Variants in TTLL7 observed in about 807,000 individuals in gnomAD.
The protein encoded by TTLL7 is tubulin tyrosine ligase like 7, also known as tubulin polyglutamylase TTLL7.
TTLL7 carries 53 observed loss-of-function variants against 120.2 expected under a neutral mutation model. That is an observed-to-expected ratio of 0.44 (90% CI 0.35 to 0.55). The LOEUF (loss-of-function observed/expected upper bound fraction) is 0.55. Ranked by LOEUF, TTLL7 falls within the 20% of genes least tolerant of loss-of-function variation. The probability of loss-of-function intolerance (pLI) is 0.00; values close to 1 mark genes in which losing one functional copy is unlikely to be tolerated. For synonymous variants in TTLL7, 353 were observed against 351.7 expected (o/e 1.00, Z -0.04); for missense variants, 803 against 1,054.7 (o/e 0.76, Z 3.31).
intron 1 of TTLL7, among the ~76,000 whole-genome samples, chr1:83,987,816 AATAT>A: frequency 1.3e-5 from 2 of 152,240 alleles, no homozygotes; most frequent in Non-Finnish European, 2.9e-5. Flanking sequence ...TGATACCTAG[AATAT>A]ATAAAGAACT....
intron 13 of TTLL7, among the ~76,000 whole-genome samples, chr1:83,918,472 C>T (rs1658372142): frequency 6.6e-6 from 1 of 152,130 alleles, no homozygotes. Flanking sequence ...AACTAGAAAT[C>T]TCACTGTGCA....
chr1:83,943,573 C>T (rs1648188442), intron 6 of TTLL7, among the ~76,000 whole-genome samples: 1 of 152,172 alleles, frequency 6.6e-6, no homozygotes, highest in Non-Finnish European at 1.5e-5. Flanking sequence ...TATTAGCTGA[C>T]CACTGAGCTA....
chr1:83,973,866 G>A (rs1020524040), intron 1 of TTLL7, among the ~76,000 whole-genome samples: 2 of 151,920 alleles, frequency 1.3e-5, no homozygotes, highest in African/African-American at 4.8e-5. Context: ...GTTACCTCTG[G>A]GCAGGATGAG....
chr1:83,950,709 A>G (rs549456771), intron 3 of TTLL7, among the ~76,000 whole-genome samples: 5 of 152,280 alleles, frequency 3.3e-5, no homozygotes, highest in East Asian at 3.9e-4. Context: ...TTGGCTTCCA[A>G]CAGAATCCTG....
intron 9 of TTLL7, among the ~76,000 whole-genome samples, chr1:83,929,535 T>G (rs1659417600): frequency 6.6e-6 from 1 of 152,156 alleles, no homozygotes; most frequent in African/African-American, 2.4e-5. Context: ...CAATTTAGGT[T>G]TTTTAAGTTT....
At chr1:83,892,280 A>G (rs1028603490) in intron 18 of TTLL7, among the ~76,000 whole-genome samples, 2 of 78,458 alleles carry the variant, frequency 2.5e-5, no homozygotes, top group African/African-American at 6.9e-5. Context: ...ATATATATGA[A>G]TATATATGTA....
chr1:83,932,829 C>A (rs1199470721), intron 9 of TTLL7, among the ~76,000 whole-genome samples: 1 of 151,984 alleles, frequency 6.6e-6, no homozygotes, highest in Non-Finnish European at 1.5e-5. Context: ...TAAGCGGCCA[C>A]GAGAAGGTGT....
In TTLL7 at chr1:83,919,696, T is replaced by C. The variant is rs746668127; in HGVS notation, c.1500+3A>G. 6.8e-6 allele frequency: 11 copies of C among 1,608,912 alleles called. No individual in the cohort carries two copies. The highest frequency in any genetic ancestry group is 2.2e-5 in the East Asian group (1 of 44,734). ...TTCTCTATATAAACATTCATTCTCT[T>C]ACCTTCATCCTTTTCAAAGGATTAT... On this transcript the variant is annotated splice_donor_region_variant and intron_variant, in intron 13 of 20. Coordinates refer to ENST00000260505, the MANE Select transcript of TTLL7 (RefSeq NM_024686.6).
intron 20 of TTLL7, among the ~76,000 whole-genome samples, chr1:83,881,217 CA>C (rs1183385103): frequency 6.6e-6 from 1 of 151,526 alleles, no homozygotes; most frequent in Non-Finnish European, 1.5e-5. Flanking sequence ...AAAGCAATGG[CA>C]AAAAAAGCCA....
chr1:83,924,654 T>C (rs1340397584), intron 10 of TTLL7, among the ~76,000 whole-genome samples: 2 of 152,184 alleles, frequency 1.3e-5, no homozygotes, highest in African/African-American at 2.4e-5. Context: ...GTGGTGATAG[T>C]TGCACAACAA....
At position 83,935,524 on chromosome 1, in the gene TTLL7, A is replaced by G. The variant is rs190301331; in HGVS notation, c.889-1758T>C. 3.0e-5 allele frequency among the ~76,000 whole-genome samples: 4 copies of G among 133,628 alleles called. No individual in the cohort carries two copies. In the East Asian group the frequency reaches 6.1e-4, roughly 20 times the overall value. The allele number at this position is 133,628 out of a possible 152,430, so 87.7% of individuals were successfully genotyped here. ...AGATTTATACCTTAGGTATACAAAA[A>G]GCAGTAAGGATAGTTTTTTTTTTAA... On this transcript the variant is annotated intron_variant, in intron 8 of 20. Coordinates refer to ENST00000260505, the MANE Select transcript of TTLL7 (RefSeq NM_024686.6).
intron 1 of TTLL7, among the ~76,000 whole-genome samples, chr1:83,994,344 T>C (rs1351136874): frequency 6.6e-6 from 1 of 152,152 alleles, no homozygotes; most frequent in Non-Finnish European, 1.5e-5. Flanking sequence ...CCTACCTCAA[T>C]GGATTCCCAG....
rs1417772006 is a variant in TTLL7 at position 83,904,179 on chromosome 1, T to C, written c.2128-20A>G. On this transcript the variant is annotated intron_variant, in intron 17 of 20. Coordinates refer to ENST00000260505, the MANE Select transcript of TTLL7 (RefSeq NM_024686.6). ...AATGATCTGTTTGGAAGGAGGAACA[T>C]TAAGAAATTTACAGGTTGAAACCCA... 1.9e-6 allele frequency: 3 copies of C among 1,591,484 alleles called. No homozygotes were observed. The South Asian group carries it at 3.4e-5, about 18-fold the overall frequency.
chr1:83,987,557 C>G (rs1652590354), intron 1 of TTLL7, among the ~76,000 whole-genome samples: 1 of 151,764 alleles, frequency 6.6e-6, no homozygotes, highest in African/African-American at 2.4e-5. Context: ...TACATAGTCT[C>G]AAGAATACTA....
chr1:83,975,206 T>G (rs75832572), intron 1 of TTLL7, among the ~76,000 whole-genome samples: 1 of 152,242 alleles, frequency 6.6e-6, no homozygotes, highest in East Asian at 1.9e-4. Context: ...CATTTCAATA[T>G]AGACTGCACA....
Position 83,867,685 on chromosome 1 carries a change from T to C in TTLL7, c.*2277A>G, listed in dbSNP as rs766321614. On this transcript the variant is annotated 3_prime_UTR_variant, in exon 21 of 21. Transcript: ENST00000260505. ...AGTAATTATTTGTGATTTAAGATAA[T>C]GCAAATGAGTGGCCGAGAAACTGGG... 2 of 152,032 alleles carry C rather than the reference T, an allele frequency of 1.3e-5. No individual in the cohort carries two copies. Among genetic ancestry groups the C allele is most frequent in the African/African-American group, 2.4e-5 (1 of 41,434 alleles). 9.4% of individuals were successfully genotyped at this position (152,032 alleles called of 1,614,324 possible). A position where few individuals can be genotyped will look rare whatever the true frequency, so the allele number is the denominator to read the frequency against.
At chr1:83,929,347 AC>A (rs1659395863) in intron 9 of TTLL7, 117 bp from the exon 10 acceptor site, 5 of 663,420 alleles carry the variant, frequency 7.5e-6, no homozygotes, top group Non-Finnish European at 1.2e-5. Flanking sequence ...TCAAAGCTTT[AC>A]ATGGCAGATG....
chr1:83,988,330 G>A (rs1652671185), intron 1 of TTLL7, among the ~76,000 whole-genome samples: 1 of 152,178 alleles, frequency 6.6e-6, no homozygotes, highest in African/African-American at 2.4e-5. Flanking sequence ...GAATAGTGCT[G>A]CAATGAACAT....
At chr1:83,885,491 T>C (rs547172738) in intron 19 of TTLL7, among the ~76,000 whole-genome samples, 4 of 152,148 alleles carry the variant, frequency 2.6e-5, no homozygotes, top group Admixed American at 2.6e-4. Context: ...CTTTGGCTTC[T>C]CACTCTCTCA....
Sources: gnomAD v4.1 joint callset for allele counts (sites outside exome capture counted in the v4.1 genomes callset) on GRCh38, gnomAD v4.1.1 for gene constraint, MANE v1.5 for transcripts, NCBI Gene and HGNC (gene_info 2026-07-23, HGNC 2026-07-21) for gene names.